Variants in SLC25A21 observed in about 807,000 individuals in gnomAD.
SLC25A21 encodes solute carrier family 25 member 21, also known as mitochondrial 2-oxodicarboxylate carrier.
Under a neutral mutation model 43.8 loss-of-function variants are expected in SLC25A21, and 47 were observed. The ratio of observed to expected loss-of-function variants is 1.07; its 90% confidence interval spans 0.85 to 1.37. The LOEUF (loss-of-function observed/expected upper bound fraction) is 1.37. SLC25A21 is among the 40% of genes most tolerant of loss of function. SLC25A21 has a pLI of 0.00. For missense variants in SLC25A21, 352 were observed against 350.2 expected, an observed-to-expected ratio of 1.00 and a Z score of -0.04; for synonymous variants, 131 against 121.3, an observed-to-expected ratio of 1.08 and a Z score of -0.52.
intron 1 of SLC25A21, among the ~76,000 whole-genome samples, chr14:37,023,754 A>G (rs1961035751): frequency 6.6e-6 from 1 of 151,718 alleles, no homozygotes; most frequent in Admixed American, 6.6e-5. Context: ...TCTGATTAAC[A>G]ATTCTCTCAT....
At chr14:36,791,879 G>A (rs537907350) in intron 3 of SLC25A21, among the ~76,000 whole-genome samples, 6 of 152,086 alleles carry the variant, frequency 3.9e-5, no homozygotes, top group Non-Finnish European at 8.8e-5. Flanking sequence ...ATTGGAAAGA[G>A]GCACCGGGAG....
chr14:36,698,893 C>T (rs111747250), intron 7 of SLC25A21, among the ~76,000 whole-genome samples: 1 of 152,054 alleles, frequency 6.6e-6, no homozygotes, highest in Non-Finnish European at 1.5e-5. Flanking sequence ...TTTGTTATTA[C>T]TGACCTTCTG....
At chr14:37,120,834 A>G (rs1216772728) in intron 1 of SLC25A21, among the ~76,000 whole-genome samples, 1 of 152,172 alleles carries the variant, frequency 6.6e-6, no homozygotes, top group Non-Finnish European at 1.5e-5. Context: ...AAATCAGTAA[A>G]AAGACACATT....
At chr14:37,002,168 A>G (rs1040882243) in intron 1 of SLC25A21, among the ~76,000 whole-genome samples, 1 of 152,118 alleles carries the variant, frequency 6.6e-6, no homozygotes, top group African/African-American at 2.4e-5. Flanking sequence ...GAAACCAAGC[A>G]AAAAGCACCA....
At chr14:36,723,254 T>C (rs903586065) in intron 6 of SLC25A21, among the ~76,000 whole-genome samples, 2 of 152,226 alleles carry the variant, frequency 1.3e-5, no homozygotes, top group Non-Finnish European at 2.9e-5. Context: ...TACTGTCTGT[T>C]GAGTAAAAGC....
intron 3 of SLC25A21, among the ~76,000 whole-genome samples, chr14:36,735,789 T>C (rs1199625365): frequency 6.8e-6 from 1 of 148,036 alleles, no homozygotes; most frequent in East Asian, 2.0e-4. Context: ...CAGCGCACCC[T>C]TTGGGGTTCT....
At chr14:36,832,148 A>C (rs1450130084) in intron 2 of SLC25A21, among the ~76,000 whole-genome samples, 2 of 152,324 alleles carry the variant, frequency 1.3e-5, no homozygotes, top group African/African-American at 4.8e-5. Context: ...ACCAGAGAGA[A>C]GCTGGAGCTG....
intron 1 of SLC25A21, among the ~76,000 whole-genome samples, chr14:36,938,830 T>C (rs762707078): frequency 1.2e-3 from 185 of 152,088 alleles, no homozygotes; most frequent in Admixed American, 2.9e-3. Flanking sequence ...AAACATAAAT[T>C]AGTAAAAAAA....
chr14:36,790,136 G>C (rs848104), intron 3 of SLC25A21, among the ~76,000 whole-genome samples: 27,487 of 149,856 alleles, frequency 0.18, 2,629 homozygotes, highest in Middle Eastern at 0.27. Context: ...CATCTACAAG[G>C]GTTCTTGTTA....
intron 1 of SLC25A21, among the ~76,000 whole-genome samples, chr14:36,978,472 A>G (rs1277763316): frequency 6.6e-6 from 1 of 152,216 alleles, no homozygotes. Context: ...AATGGCACTG[A>G]TAGACATGCT....
intron 3 of SLC25A21, among the ~76,000 whole-genome samples, chr14:36,753,519 G>A (rs1367530418): frequency 2.0e-5 from 3 of 151,942 alleles, no homozygotes; most frequent in Non-Finnish European, 2.9e-5. Context: ...TCCTTTTCAT[G>A]TAAAGGGCAT....
At chr14:36,993,775 A>G (rs967367282) in intron 1 of SLC25A21, among the ~76,000 whole-genome samples, 2 of 152,192 alleles carry the variant, frequency 1.3e-5, no homozygotes, top group African/African-American at 4.8e-5. Flanking sequence ...TGTATACTTC[A>G]GAGTAAATTT....
At chr14:37,047,436 G>A (rs1961610329) in intron 1 of SLC25A21, among the ~76,000 whole-genome samples, 1 of 152,138 alleles carries the variant, frequency 6.6e-6, no homozygotes, top group Admixed American at 6.5e-5. Flanking sequence ...ATGACCTAAA[G>A]GGGCAATGTA....
rs1887116702 is a variant in SLC25A21 at position 36,782,907 on chromosome 14, C to T, written c.203+31011G>A. On this transcript the variant is annotated intron_variant, in intron 3 of 9. Coordinates refer to ENST00000331299, the MANE Select transcript of SLC25A21 (RefSeq NM_030631.4). ...GCATGGCACATGTATACATATGTAA[C>T]TAACCTGCACAATGTGCACATGTAC... Among the ~76,000 whole-genome samples the T allele has an allele frequency of 2.0e-5, 3 of 147,232 alleles. No homozygotes were observed. The Admixed American group carries it at 2.1e-4, about 10-fold the overall frequency.
At chr14:36,915,481 C>T (rs575175619) in intron 1 of SLC25A21, among the ~76,000 whole-genome samples, 8 of 152,174 alleles carry the variant, frequency 5.3e-5, no homozygotes, top group African/African-American at 1.4e-4. Context: ...ATGAACATTT[C>T]GCCATGGAAC....
At chr14:36,749,580 A>G (rs1885626252) in intron 3 of SLC25A21, among the ~76,000 whole-genome samples, 1 of 152,146 alleles carries the variant, frequency 6.6e-6, no homozygotes, top group Non-Finnish European at 1.5e-5. Context: ...CTCCTCAAAG[A>G]GCAGGCACAC....
At chr14:37,119,885 C>T (rs1442293267) in intron 1 of SLC25A21, among the ~76,000 whole-genome samples, 2 of 152,062 alleles carry the variant, frequency 1.3e-5, no homozygotes, top group African/African-American at 4.8e-5. Context: ...AGGGTGGCAG[C>T]AAGTTCCTAC....
At chr14:36,705,861 C>G (rs17091925) in intron 7 of SLC25A21, among the ~76,000 whole-genome samples, 2 of 152,120 alleles carry the variant, frequency 1.3e-5, no homozygotes, top group Admixed American at 1.3e-4. Context: ...ACAAATTGTC[C>G]AAAGTGAATG....
At chr14:37,073,566 T>C (rs1962217524) in intron 1 of SLC25A21, among the ~76,000 whole-genome samples, 1 of 152,140 alleles carries the variant, frequency 6.6e-6, no homozygotes, top group Non-Finnish European at 1.5e-5. Flanking sequence ...TGTATTATGC[T>C]TTTCTGCTAT....
Sources: allele counts gnomAD v4.1 joint callset (sites outside exome capture counted in the v4.1 genomes callset), GRCh38; gene constraint gnomAD v4.1.1; transcripts MANE v1.5; gene names NCBI Gene and HGNC (gene_info 2026-07-23, HGNC 2026-07-21).